JARID2: variants seen among roughly 807,000 people sequenced by gnomAD.
JARID2 encodes the protein jumonji and AT-rich interaction domain containing 2, also known as protein Jumonji.
In JARID2, 21 loss-of-function variants were observed where a neutral mutation model predicts 125.6. That is an observed-to-expected ratio of 0.17 (90% CI 0.12 to 0.24). The LOEUF (loss-of-function observed/expected upper bound fraction) is 0.24, where lower values mean the gene tolerates loss of function less well. Ranked by LOEUF, JARID2 falls within the 10% of genes least tolerant of loss-of-function variation. The pLI is 1.00. For synonymous variants in JARID2, 736 were observed against 661.6 expected (o/e 1.11, Z -1.73); for missense variants, 1,303 against 1,639.6 (o/e 0.79, Z 3.55).
chr6:15,345,165 A>T (rs999317933), intron 1 of JARID2, among the ~76,000 whole-genome samples: 1 of 152,196 alleles, frequency 6.6e-6, no homozygotes, highest in African/African-American at 2.4e-5. Context: ...GACTGATTGT[A>T]TGCTGCTTAT....
chr6:15,516,534 G>T (rs551168280), intron 16 of JARID2, among the ~76,000 whole-genome samples: 2 of 152,348 alleles, frequency 1.3e-5, no homozygotes, highest in South Asian at 2.1e-4. Flanking sequence ...GGGGGCCGGG[G>T]CTGGTGGGTG....
At chr6:15,456,713 G>A (rs961385478) in intron 4 of JARID2, among the ~76,000 whole-genome samples, 6 of 151,810 alleles carry the variant, frequency 4.0e-5, no homozygotes, top group African/African-American at 9.7e-5. Flanking sequence ...GCCTTAGATA[G>A]CATCTTTTCT....
At chr6:15,397,491 G>T (rs1222312951) in intron 2 of JARID2, among the ~76,000 whole-genome samples, 1 of 152,126 alleles carries the variant, frequency 6.6e-6, no homozygotes, top group African/African-American at 2.4e-5. Context: ...GCACCAACTG[G>T]GGTTGGTCTT....
At chr6:15,515,670 G>C (rs1771511981) in intron 16 of JARID2, among the ~76,000 whole-genome samples, 1 of 151,452 alleles carries the variant, frequency 6.6e-6, no homozygotes, top group Non-Finnish European at 1.5e-5. Flanking sequence ...TATCACTTGA[G>C]CCCAGAAGTT....
At chr6:15,344,525 G>C (rs575730213) in intron 1 of JARID2, among the ~76,000 whole-genome samples, 100 of 150,122 alleles carry the variant, frequency 6.7e-4, no homozygotes, top group African/African-American at 2.5e-3. Flanking sequence ...CCCATTTAAA[G>C]TGTACAATTC....
intron 3 of JARID2, among the ~76,000 whole-genome samples, chr6:15,429,539 G>T (rs1344961469): frequency 1.3e-5 from 2 of 152,072 alleles, no homozygotes; most frequent in Admixed American, 6.5e-5. Flanking sequence ...AAAGTGCTGA[G>T]ATTACAGACC....
chr6:15,317,313 T>C (rs1175454935), intron 1 of JARID2, among the ~76,000 whole-genome samples: 1 of 152,200 alleles, frequency 6.6e-6, no homozygotes, highest in Non-Finnish European at 1.5e-5. Flanking sequence ...AAAATGCAAG[T>C]CTCATTTAGG....
At chr6:15,407,454 C>T (rs1228276390) in intron 2 of JARID2, among the ~76,000 whole-genome samples, 3 of 151,400 alleles carry the variant, frequency 2.0e-5, no homozygotes, top group East Asian at 3.8e-4. Context: ...CATCAAAAAG[C>T]TTAACTTTCT....
At chr6:15,395,373 G>A (rs997821395) in intron 2 of JARID2, among the ~76,000 whole-genome samples, 8 of 152,066 alleles carry the variant, frequency 5.3e-5, no homozygotes, top group African/African-American at 1.7e-4. Context: ...TCAGCTCACC[G>A]CAACCTCCGG....
At chr6:15,487,592 C>G (rs1193239709) in intron 6 of JARID2, 50 bp downstream of exon 6, 2 of 1,428,944 alleles carry the variant, frequency 1.4e-6, no homozygotes, top group Admixed American at 2.3e-5. Context: ...CAGTTTCCCA[C>G]TTCACTTCAC....
chr6:15,511,850 G>A (rs1200644278), intron 13 of JARID2, among the ~76,000 whole-genome samples: 4 of 152,160 alleles, frequency 2.6e-5, no homozygotes, highest in Non-Finnish European at 4.4e-5. Context: ...AGAGATGGAC[G>A]GGGGACTCCT....
chr6:15,291,418 T>C (rs1445862306), intron 1 of JARID2, among the ~76,000 whole-genome samples: 3 of 152,234 alleles, frequency 2.0e-5, no homozygotes, highest in African/African-American at 7.2e-5. Context: ...TGAAGTGAAG[T>C]TGTTAGGGGC....
rs1581484836 is a variant in JARID2, at chr6:15,384,325, G to C, written c.181+10073G>C. Reference sequence around the variant, plus strand: ...TGATCTTGAACTCCTGGGCTTAGCTGTTCCTTCGAAAGTCAAGTTTAAGCC... The same window carrying C: ...TGATCTTGAACTCCTGGGCTTAGCTCTTCCTTCGAAAGTCAAGTTTAAGCC... On this transcript the variant is annotated intron_variant, in intron 2 of 17. Transcript: ENST00000341776. Among the ~76,000 whole-genome samples the C allele has an allele frequency of 2.7e-5, 4 of 150,710 alleles. No individual in the cohort carries two copies. The East Asian group carries it at 7.8e-4, about 29-fold the overall frequency.
intron 5 of JARID2, among the ~76,000 whole-genome samples, chr6:15,478,830 C>T (rs958072473): frequency 1.2e-4 from 18 of 151,912 alleles, no homozygotes; most frequent in African/African-American, 3.1e-4. Context: ...CCACCATGCC[C>T]GGCTAATTTT....
chr6:15,293,342 G>A (rs1761294348), intron 1 of JARID2, among the ~76,000 whole-genome samples: 1 of 152,180 alleles, frequency 6.6e-6, no homozygotes, highest in South Asian at 2.1e-4. Flanking sequence ...TTGAATCCAG[G>A]AAGTGGAGCT....
chr6:15,269,705 C>T (rs1309991264), intron 1 of JARID2, among the ~76,000 whole-genome samples: 1 of 151,982 alleles, frequency 6.6e-6, no homozygotes, highest in Non-Finnish European at 1.5e-5. Context: ...CCTTGCCTGG[C>T]CCAGTTTCTT....
chr6:15,481,302 A>G (rs1769601282), intron 5 of JARID2, among the ~76,000 whole-genome samples: 1 of 152,196 alleles, frequency 6.6e-6, no homozygotes, highest in African/African-American at 2.4e-5. Context: ...ATTTCCTAAT[A>G]TGGTTCACAG....
At chr6:15,506,843 T>A (rs1402695884) in intron 9 of JARID2, among the ~76,000 whole-genome samples, 1 of 152,204 alleles carries the variant, frequency 6.6e-6, no homozygotes, top group Non-Finnish European at 1.5e-5. Context: ...CGGAGTAGAT[T>A]TTGTTCATCC....
intron 7 of JARID2, among the ~76,000 whole-genome samples, chr6:15,500,617 C>T (rs986399915): frequency 3.9e-5 from 6 of 152,116 alleles, no homozygotes; most frequent in African/African-American, 1.4e-4. Flanking sequence ...CTGGCCAGCT[C>T]GCATCCTTTT....
Sources: allele counts gnomAD v4.1 joint callset (sites outside exome capture counted in the v4.1 genomes callset), GRCh38; gene constraint gnomAD v4.1.1; transcripts MANE v1.5; gene names NCBI Gene and HGNC (gene_info 2026-07-23, HGNC 2026-07-21).